Variants in CEP250 observed in about 807,000 individuals in gnomAD.
CEP250 encodes centrosome-associated protein CEP250.
Under a neutral mutation model 315.7 loss-of-function variants are expected in CEP250, and 242 were observed. The ratio of observed to expected loss-of-function variants is 0.77; its 90% CI spans 0.69 to 0.85. The LOEUF (loss-of-function observed/expected upper bound fraction) is 0.85. CEP250 is among the 40% of genes least tolerant of loss of function. CEP250 has a pLI of 0.00. For synonymous variants in CEP250, 1,088 were observed against 1,175.0 expected (o/e 0.93, Z 1.51); for missense variants, 2,515 against 2,886.4 (o/e 0.87, Z 2.95).
rs369486206 is a variant in CEP250 at position 35,494,520 on chromosome 20, C to G, written c.3034-4C>G. The G allele has an allele frequency of 6.2e-7, 1 of 1,613,556 alleles. No individual in the cohort carries two copies. Among genetic ancestry groups the G allele is most frequent in the Non-Finnish European group, 8.5e-7 (1 of 1,179,948 alleles). On this transcript the variant is annotated splice_region_variant and splice_polypyrimidine_tract_variant and intron_variant, in intron 23 of 34. Coordinates refer to ENST00000397527, the MANE Select transcript of CEP250 (RefSeq NM_007186.6). ...TCTTGGTCTTCATGCCCTTAATTTT[C>G]CAGGTGGAGGACTTGAAGTCTCAGC...
intron 13 of CEP250, 81 bp downstream of exon 13, chr20:35,473,633 C>G: frequency 7.1e-7 from 1 of 1,411,424 alleles, no homozygotes; most frequent in Non-Finnish European, 9.5e-7. Context: ...CCACTCCCAT[C>G]AGGTTTTTGG....
chr20:35,469,828 C>T (rs2062980002), intron 9 of CEP250, 62 bp from the exon 10 acceptor site: 1 of 1,109,414 alleles, frequency 9.0e-7, no homozygotes, highest in African/African-American at 1.6e-5. Flanking sequence ...GGGTGTGCTG[C>T]ATCGTAGCTC....
At position 35,508,116 on chromosome 20, in the gene CEP250, G is replaced by T. The variant is rs780598745; in HGVS notation, c.6832G>T (p.Ala2278Ser). Residue 2278 changes from alanine to serine, a missense_variant, in exon 32 of 35, where the codon GCA (alanine) becomes TCA (serine). By Grantham distance (99) the Ala-to-Ser change is moderately conservative. Coordinates refer to ENST00000397527, the MANE Select transcript of CEP250 (RefSeq NM_007186.6). ...WRQRLEHLQQ[A>S]VARLEIDRSR... Reference sequence around the variant, plus strand: ...ACAAAGGCTTGAACACCTGCAGCAAGCAGTGGCCCGGCTGGAGATTGACAG... The same window carrying T: ...ACAAAGGCTTGAACACCTGCAGCAATCAGTGGCCCGGCTGGAGATTGACAG... The T allele has an allele frequency of 9.9e-6, 16 of 1,614,164 alleles. No individual in the cohort carries two copies. Among genetic ancestry groups the T allele is most frequent in the South Asian group, 2.2e-5 (2 of 91,084 alleles).
At chr20:35,510,467 C>T (rs2064323742) in intron 34 of CEP250, among the ~76,000 whole-genome samples, 2 of 152,218 alleles carry the variant, frequency 1.3e-5, no homozygotes, top group African/African-American at 2.4e-5. Flanking sequence ...CTCCAGGCCA[C>T]ACAGCTCAGC....
Position 35,474,033 on chromosome 20 carries a change from G to C in CEP250, c.1552G>C (p.Val518Leu), listed in dbSNP as rs1201276023. The stretch of plus-strand genomic sequence containing the variant: ...ACAGCAGGAGGAGCTGCACCTGGCT[G>C]TCCGGGAGAGGGAGCGTCTGTAAGT... ...EEQQEELHLA[V>L]RERERLQEML... The change falls in exon 14 of 35, where the codon GTC becomes CTC. Residue 518 changes from valine to leucine, a missense_variant. Val to Leu is a conservative substitution (Grantham distance 32). Transcript: ENST00000397527. The C allele has an allele frequency of 7.0e-6, 11 of 1,575,786 alleles. No individual in the cohort carries two copies. Among genetic ancestry groups the C allele is most frequent in the South Asian group, 2.3e-5 (2 of 86,572 alleles).
rs2146791947 is a variant in CEP250, at chr20:35,473,376, C to T, written c.1212C>T (p.Asp404=). 9 of 1,612,328 alleles carry T rather than the reference C, an allele frequency of 5.6e-6. No homozygotes were observed. The highest frequency in any genetic ancestry group is 7.6e-6 in the Non-Finnish European group (9 of 1,178,952). The part of the protein sequence containing the change: ...VLTRRRQAVQ[D]LRQQLAGCQE... The stretch of plus-strand genomic sequence containing the variant: ...TTTCTCTTGCTCTCTCTCCACAGGA[C>T]CTAAGGCAGCAGCTTGCAGGCTGTC... The change falls in exon 13 of 35, where the codon GAC becomes GAT. Residue 404 remains aspartate (D), a splice_region_variant and synonymous_variant. Coordinates refer to ENST00000397527, the MANE Select transcript of CEP250 (RefSeq NM_007186.6).
At chr20:35,496,397 A>G (rs2063834718) in intron 24 of CEP250, among the ~76,000 whole-genome samples, 180 bp from the exon 25 acceptor site, 1 of 152,084 alleles carries the variant, frequency 6.6e-6, no homozygotes, top group African/African-American at 2.4e-5. Flanking sequence ...TGCAGGAAGT[A>G]CCTAGGAGCA....
At chr20:35,460,534 T>TAA (rs1422767853) in intron 3 of CEP250, among the ~76,000 whole-genome samples, 1 of 152,190 alleles carries the variant, frequency 6.6e-6, no homozygotes, top group Non-Finnish European at 1.5e-5. Flanking sequence ...ACGCCCTGTC[T>TAA]AAAGGAGACA....
At chr20:35,501,138 C>T (rs1473267856) in intron 28 of CEP250, among the ~76,000 whole-genome samples, 1 of 152,076 alleles carries the variant, frequency 6.6e-6, no homozygotes, top group African/African-American at 2.4e-5. Flanking sequence ...TTACAAAGGA[C>T]AGGAGAGGAA....
At chr20:35,463,284 T>A (rs1429698624) in intron 4 of CEP250, among the ~76,000 whole-genome samples, 1 of 152,130 alleles carries the variant, frequency 6.6e-6, no homozygotes. Flanking sequence ...ATGCCTGTAA[T>A]CCCAGCTACT....
Position 35,503,544 on chromosome 20 carries a change from G to A in CEP250, c.5175G>A (p.Glu1725=). The A allele has an allele frequency of 6.2e-7, 1 of 1,614,142 alleles. No homozygotes were observed. Residue 1725 remains glutamate (E), a synonymous_variant, in exon 30 of 35, where the codon GAG becomes GAA. Transcript: ENST00000397527. The surrounding 1 kb of genome is among the most constrained non-coding windows in gnomAD (Gnocchi z 4.2). ...GTAAAGCACAGCGCGGGAGCCTAGA[G>A]CACATGAAGCTGATCCTGCGTGATA... ...GPSKAQRGSL[E]HMKLILRDKE... is the part of the protein sequence containing the mutation.
At chr20:35,500,932 G>A (rs920240825) in intron 28 of CEP250, among the ~76,000 whole-genome samples, 1 of 152,164 alleles carries the variant, frequency 6.6e-6, no homozygotes, top group Non-Finnish European at 1.5e-5. Context: ...GAGACCCAGG[G>A]CCAGGACTGT....
In CEP250 at chr20:35,500,098, C is replaced by G; in HGVS notation, c.3827C>G (p.Thr1276Ser). ...AAACTGGAAGAGCGTCTAACTGATA[C>G]TGAGGCTGAGAAGAGCCAGGTCCAC... ...VQKLEERLTDTEAEKSQVHTE... is the reference protein window; with the variant it reads ...VQKLEERLTDSEAEKSQVHTE... Residue 1276 changes from threonine (T) to serine (S), a missense_variant, in exon 28 of 35, where the codon ACT becomes AGT. Thr to Ser is a moderately conservative substitution (Grantham distance 58). Coordinates refer to ENST00000397527, the MANE Select transcript of CEP250 (RefSeq NM_007186.6). 1 of 1,613,606 alleles carries G rather than the reference C, an allele frequency of 6.2e-7. No homozygotes were observed. Among genetic ancestry groups the G allele is most frequent in the Non-Finnish European group, 8.5e-7 (1 of 1,179,854 alleles).
intron 4 of CEP250, 42 bp from the exon 5 acceptor site, chr20:35,463,533 C>A: frequency 6.4e-7 from 1 of 1,560,562 alleles, no homozygotes; most frequent in Non-Finnish European, 8.7e-7. Flanking sequence ...GCTGTTTGTG[C>A]CAGCTGTGTT....
chr20:35,503,308 G>A lies in CEP250; in HGVS notation c.4939G>A (p.Glu1647Lys), dbSNP rs2064072951. Residue 1647 changes from glutamate to lysine, a missense_variant, in exon 30 of 35, where the codon GAG (glutamate) becomes AAG (lysine). Glu to Lys is a moderately conservative substitution (Grantham distance 56). Transcript: ENST00000397527. The surrounding 1 kb of genome is among the most constrained non-coding windows in gnomAD (Gnocchi z 4.2). ...GATCGAGGAGCTGCAGAGGCAGAAA[G>A]AGCATCTGACTCAGGATCTCGAGAG... ...EQIEELQRQK[E>K]HLTQDLERRD... is the part of the protein sequence containing the mutation. The A allele has an allele frequency of 2.5e-6, 4 of 1,614,182 alleles. No homozygotes were observed. In the East Asian group the frequency reaches 6.7e-5, roughly 27 times the overall value.
intron 5 of CEP250, among the ~76,000 whole-genome samples, chr20:35,464,779 G>A (rs224352): frequency 0.63 from 95,169 of 151,742 alleles, 32,274 homozygotes; most frequent in Non-Finnish European, 0.76. Flanking sequence ...AAAATTAGCC[G>A]GGCATGATGG....
chr20:35,479,694 A>C lies in CEP250; in HGVS notation c.2337A>C (p.Gln779His). The change falls in exon 19 of 35, where the codon CAA becomes CAC. Residue 779 changes from glutamine to histidine, a missense_variant. Physicochemically the swap from Gln to His is conservative, Grantham distance 24. Transcript: ENST00000397527. ...LESSLFEAQQ[Q>H]NSVIEVTKGQ... ...GCAGTCTGTTTGAAGCCCAACAACA[A>C]AATTCTGTGATAGAGGTCACCAAGG... 1 of 1,614,146 alleles carries C rather than the reference A, an allele frequency of 6.2e-7. No homozygotes were observed. Among genetic ancestry groups the C allele is most frequent in the Non-Finnish European group, 8.5e-7 (1 of 1,180,022 alleles).
At chr20:35,509,362 G>T (rs2064290178) in intron 33 of CEP250, among the ~76,000 whole-genome samples, 1 of 152,230 alleles carries the variant, frequency 6.6e-6, no homozygotes, top group African/African-American at 2.4e-5. Context: ...GTGTATGGGG[G>T]TTGTGTGGTG....
intron 30 of CEP250, among the ~76,000 whole-genome samples, 161 bp from the exon 31 acceptor site, chr20:35,507,577 A>G (rs957870882): frequency 1.3e-5 from 2 of 151,552 alleles, no homozygotes; most frequent in African/African-American, 4.9e-5. Context: ...TGTTTTACCT[A>G]TCTGTAAAAT....
Sources: allele counts gnomAD v4.1 joint callset (sites outside exome capture counted in the v4.1 genomes callset), GRCh38; gene constraint gnomAD v4.1.1; non-coding constraint Gnocchi (gnomAD v3.1); transcripts MANE v1.5; gene names NCBI Gene and HGNC (gene_info 2026-07-23, HGNC 2026-07-21).